Variants in PXDNL observed in about 807,000 individuals in gnomAD.
The protein encoded by PXDNL is probable oxidoreductase PXDNL.
In PXDNL, 145 loss-of-function variants were observed where a neutral mutation model predicts 150.8. The observed-to-expected ratio is 0.96, with a 90% CI of 0.84 to 1.10. The LOEUF (loss-of-function observed/expected upper bound fraction) is 1.10, where lower values mean the gene tolerates loss of function less well. Ranked by LOEUF, PXDNL falls within the 50% of genes least tolerant of loss-of-function variation. The pLI, the probability that PXDNL is intolerant of heterozygous loss-of-function variation, is 0.00. For synonymous variants in PXDNL, 757 were observed against 725.7 expected (o/e 1.04, Z -0.69); for missense variants, 2,087 against 1,873.9 (o/e 1.11, Z -2.10).
intron 4 of PXDNL, among the ~76,000 whole-genome samples, chr8:51,554,077 T>C (rs1439068144): frequency 6.6e-6 from 1 of 152,192 alleles, no homozygotes; most frequent in African/African-American, 2.4e-5. Flanking sequence ...TTTTTAAAGA[T>C]GTTCTTTACC....
At chr8:51,368,492 AC>A (rs1023791492) in intron 19 of PXDNL, among the ~76,000 whole-genome samples, 2 of 152,194 alleles carry the variant, frequency 1.3e-5, no homozygotes, top group Non-Finnish European at 2.9e-5. Context: ...ATCAGTATTA[AC>A]CAGTAAGCTA....
At chr8:51,568,623 G>A (rs1179518355) in intron 3 of PXDNL, among the ~76,000 whole-genome samples, 2 of 151,718 alleles carry the variant, frequency 1.3e-5, no homozygotes, top group African/African-American at 2.4e-5. Context: ...GAGCTTTTGG[G>A]ACCTGTGTTT....
intron 2 of PXDNL, among the ~76,000 whole-genome samples, chr8:51,638,898 A>G (rs1215041725): frequency 1.3e-5 from 2 of 152,196 alleles, no homozygotes; most frequent in African/African-American, 4.8e-5. Flanking sequence ...CAGAATATAC[A>G]TTCATGTCAG....
intron 4 of PXDNL, among the ~76,000 whole-genome samples, chr8:51,504,867 G>C (rs1352168856): frequency 6.6e-6 from 1 of 152,206 alleles, no homozygotes; most frequent in Non-Finnish European, 1.5e-5. Context: ...CAAAAGATGG[G>C]AGTATGAATC....
intron 4 of PXDNL, among the ~76,000 whole-genome samples, chr8:51,548,099 A>G (rs1812402132): frequency 2.0e-5 from 3 of 151,574 alleles, no homozygotes; most frequent in Non-Finnish European, 4.4e-5. Flanking sequence ...GAATTCAAAA[A>G]AAAAAAAAAA....
intron 2 of PXDNL, among the ~76,000 whole-genome samples, chr8:51,652,128 G>A (rs1815053183): frequency 1.3e-5 from 2 of 152,028 alleles, no homozygotes. Context: ...GGCAACCCAA[G>A]GAAATAGAAT....
intron 1 of PXDNL, among the ~76,000 whole-genome samples, chr8:51,662,581 T>A (rs1815299541): frequency 6.6e-6 from 1 of 152,166 alleles, no homozygotes; most frequent in Non-Finnish European, 1.5e-5. Context: ...AAATAAAGAA[T>A]CATAACTATT....
At chr8:51,477,563 A>C (rs1810508426) in intron 6 of PXDNL, among the ~76,000 whole-genome samples, 1 of 152,230 alleles carries the variant, frequency 6.6e-6, no homozygotes, top group Non-Finnish European at 1.5e-5. Context: ...TTGTGTTCGA[A>C]GTTCACATTT....
At chr8:51,464,741 A>T (rs2130047544) in intron 8 of PXDNL, among the ~76,000 whole-genome samples, 1 of 152,278 alleles carries the variant, frequency 6.6e-6, no homozygotes, top group African/African-American at 2.4e-5. Flanking sequence ...TAGGGGAGGG[A>T]TAGCATTAGG....
chr8:51,389,091 G>A (rs1348563709), intron 17 of PXDNL, among the ~76,000 whole-genome samples: 1 of 151,892 alleles, frequency 6.6e-6, no homozygotes, highest in Admixed American at 6.6e-5. Flanking sequence ...CTACATATTT[G>A]CTGAAATGAA....
Position 51,654,745 on chromosome 8 carries a change from G to A in PXDNL, c.180C>T (p.Asn60=). ...QQTTVLDLRF[N]RIREIPGSAF... ...CGCTCCCTGGAATTTCTCTTATTCT[G>A]TTAAACCTCAAGTCTCTGGGAACAT... The change falls in exon 2 of 23, where the codon AAC becomes AAT. Residue 60 remains asparagine (N), a synonymous_variant. Coordinates refer to ENST00000356297, the MANE Select transcript of PXDNL (RefSeq NM_144651.5). 6.2e-7 allele frequency: 1 copy of A among 1,612,948 alleles called. No homozygotes were observed. Among genetic ancestry groups the A allele is most frequent in the Non-Finnish European group, 8.5e-7 (1 of 1,179,278 alleles).
In PXDNL at chr8:51,647,729, G is replaced by A. The variant is rs142877969; in HGVS notation, c.236+6960C>T. ...AGTTAACTGACTTCTCTGTGCATCAGTGTCCTCAGCTATAATATAAGGATC... is the reference window on the plus strand; with the variant it reads ...AGTTAACTGACTTCTCTGTGCATCAATGTCCTCAGCTATAATATAAGGATC... On this transcript the variant is annotated intron_variant, in intron 2 of 22. Coordinates refer to ENST00000356297, the MANE Select transcript of PXDNL (RefSeq NM_144651.5). Among the ~76,000 whole-genome samples, 254 of 152,226 alleles carry A rather than the reference G, an allele frequency of 1.7e-3. 2 individuals are homozygous for A. The highest frequency in any genetic ancestry group is 5.9e-3 in the African/African-American group (244 of 41,522).
chr8:51,408,616 T>G lies in PXDNL; in HGVS notation c.3008A>C (p.Lys1003Thr), dbSNP rs748112053. 6.2e-7 allele frequency: 1 copy of G among 1,610,040 alleles called. No individual in the cohort carries two copies. Residue 1003 changes from lysine to threonine, a missense_variant, in exon 17 of 23, where the codon AAG becomes ACG. Lys to Thr is a moderately conservative substitution (Grantham distance 78). Transcript: ENST00000356297. ...EGNTVYQEAR[K>T]IVGAELQHIT... The stretch of plus-strand genomic sequence containing the variant: ...GTGCTGCAGCTCCGCGCCCACGATC[T>G]TCCTGGCTTCCTGGTAAACCGTGTT...
At chr8:51,512,507 C>A (rs1811443894) in intron 4 of PXDNL, among the ~76,000 whole-genome samples, 1 of 152,176 alleles carries the variant, frequency 6.6e-6, no homozygotes, top group Admixed American at 6.5e-5. Context: ...AACAGGGAAA[C>A]AGCAAATGAA....
chr8:51,762,841 C>T (rs139828294), intron 1 of PXDNL, among the ~76,000 whole-genome samples: 1 of 152,148 alleles, frequency 6.6e-6, no homozygotes, highest in Non-Finnish European at 1.5e-5. Context: ...GAGTTTGACT[C>T]TTTTCATCAC....
intron 17 of PXDNL, among the ~76,000 whole-genome samples, chr8:51,380,123 G>A (rs1045991433): frequency 1.7e-4 from 11 of 64,014 alleles, no homozygotes; most frequent in East Asian, 1.1e-3. Context: ...AATAGCTGAC[G>A]AGCTAAAAAA....
At chr8:51,466,728 G>C (rs755417211) in intron 8 of PXDNL, among the ~76,000 whole-genome samples, 5 of 152,048 alleles carry the variant, frequency 3.3e-5, no homozygotes, top group African/African-American at 4.8e-5. Flanking sequence ...TTAATAAGCA[G>C]GCGAACTACA....
At chr8:51,571,514 C>T (rs973609886) in intron 3 of PXDNL, among the ~76,000 whole-genome samples, 9 of 151,716 alleles carry the variant, frequency 5.9e-5, no homozygotes, top group African/African-American at 2.2e-4. Flanking sequence ...AAAAATAAGG[C>T]TTAAGCTAAA....
At chr8:51,694,868 G>C (rs965200791) in intron 1 of PXDNL, among the ~76,000 whole-genome samples, 5 of 152,170 alleles carry the variant, frequency 3.3e-5, no homozygotes, top group African/African-American at 1.2e-4. Context: ...CAAATCTTAT[G>C]ATGTTTTATG....
Sources: gnomAD v4.1 joint callset for allele counts (sites outside exome capture counted in the v4.1 genomes callset) on GRCh38, gnomAD v4.1.1 for gene constraint, MANE v1.5 for transcripts, NCBI Gene and HGNC (gene_info 2026-07-23, HGNC 2026-07-21) for gene names.